The following UBE2G1 variants were observed in gnomAD, a reference collection of about 807,000 sequenced individuals.
UBE2G1 encodes the protein ubiquitin-conjugating enzyme E2 G1.
UBE2G1 carries 5 observed loss-of-function variants against 22.7 expected under a neutral mutation model. The observed-to-expected ratio is 0.22, with a 90% CI of 0.12 to 0.46. The LOEUF (loss-of-function observed/expected upper bound fraction) is 0.46. Among genes scored for constraint, UBE2G1 ranks in the 20% least tolerant of loss-of-function variants. The pLI is 0.99. For synonymous variants in UBE2G1, 74 were observed against 67.5 expected (o/e 1.10, Z -0.47); for missense variants, 88 against 203.9 (o/e 0.43, Z 3.46).
chr17:4,333,768 G>A (rs192628480), intron 1 of UBE2G1, among the ~76,000 whole-genome samples: 101 of 152,102 alleles, frequency 6.6e-4, no homozygotes, highest in African/African-American at 2.3e-3. Context: ...GCAGTGAGCC[G>A]AGATTGCACC....
chr17:4,298,063 A>C (rs565007066), intron 2 of UBE2G1, among the ~76,000 whole-genome samples: 1 of 152,366 alleles, frequency 6.6e-6, no homozygotes, highest in East Asian at 1.9e-4. Flanking sequence ...AATATCTACC[A>C]AGAAAAATAT....
chr17:4,355,862 A>G (rs1341099886), intron 1 of UBE2G1, among the ~76,000 whole-genome samples: 3 of 147,146 alleles, frequency 2.0e-5, no homozygotes, highest in East Asian at 4.4e-4. Flanking sequence ...CACCACACCC[A>G]GCTAATTTTG....
At chr17:4,292,528 G>C (rs1052738523) in intron 3 of UBE2G1, among the ~76,000 whole-genome samples, 4 of 152,110 alleles carry the variant, frequency 2.6e-5, no homozygotes, top group African/African-American at 9.7e-5. Flanking sequence ...TGCTACAACT[G>C]TGTCCACAAG....
chr17:4,331,736 G>A (rs942152194), intron 1 of UBE2G1: 2 of 152,208 alleles, frequency 1.3e-5, no homozygotes, highest in African/African-American at 4.8e-5. Flanking sequence ...CGTGAACTGA[G>A]TAAGCAGAGT....
intron 1 of UBE2G1, among the ~76,000 whole-genome samples, chr17:4,363,950 CAAAAAAAA>C (rs1195720643): frequency 1.1e-3 from 49 of 43,904 alleles, no homozygotes; most frequent in African/African-American, 4.0e-3. Flanking sequence ...GACTCCGTCT[CAAAAAAAA>C]AAAAAAAAAA....
At chr17:4,328,243 C>T (rs540464471) in intron 1 of UBE2G1, among the ~76,000 whole-genome samples, 1 of 152,178 alleles carries the variant, frequency 6.6e-6, no homozygotes, top group African/African-American at 2.4e-5. Context: ...CTAAACTAGT[C>T]TGGCTTTATT....
chr17:4,301,076 C>A (rs1969172650), intron 2 of UBE2G1, among the ~76,000 whole-genome samples: 6 of 152,142 alleles, frequency 3.9e-5, no homozygotes. Context: ...TTACAAGGAT[C>A]AAATCCTACC....
At chr17:4,351,873 C>T (rs1330215319) in intron 1 of UBE2G1, among the ~76,000 whole-genome samples, 2 of 152,136 alleles carry the variant, frequency 1.3e-5, no homozygotes, top group Non-Finnish European at 2.9e-5. Flanking sequence ...GGCAAACAGA[C>T]TCAAAATACC....
In UBE2G1 at chr17:4,332,163, C is replaced by G. The variant is rs566982640; in HGVS notation, c.47-25040G>C. Among the ~76,000 whole-genome samples the G allele has an allele frequency of 2.0e-5, 3 of 152,012 alleles. No individual in the cohort carries two copies. The East Asian group carries it at 5.8e-4, about 29-fold the overall frequency. On this transcript the variant is annotated intron_variant, in intron 1 of 5. Transcript: ENST00000396981. Reference sequence around the variant, plus strand: ...TAATGTTGATTTTTAAGTTTTTATTCTTTTTTTATTTTACATTGTGTTCAC... The same window carrying G: ...TAATGTTGATTTTTAAGTTTTTATTGTTTTTTTATTTTACATTGTGTTCAC...
chr17:4,285,375 T>C (rs899920878), intron 4 of UBE2G1, among the ~76,000 whole-genome samples: 2 of 151,906 alleles, frequency 1.3e-5, no homozygotes, highest in Admixed American at 6.6e-5. Flanking sequence ...CAATAAGAAA[T>C]AGTAAAATAT....
intron 1 of UBE2G1, among the ~76,000 whole-genome samples, chr17:4,328,489 T>C (rs1007394899): frequency 1.3e-5 from 2 of 152,182 alleles, no homozygotes; most frequent in African/African-American, 4.8e-5. Context: ...GTCTATGATT[T>C]TGATCTGAAT....
chr17:4,332,087 C>G (rs1250589867), intron 1 of UBE2G1, among the ~76,000 whole-genome samples: 1 of 152,134 alleles, frequency 6.6e-6, no homozygotes, highest in Non-Finnish European at 1.5e-5. Context: ...TCTTGAATCA[C>G]TGGTATTTGA....
chr17:4,316,938 T>TAAAAAA (rs33950725), intron 1 of UBE2G1, among the ~76,000 whole-genome samples: 3 of 134,336 alleles, frequency 2.2e-5, no homozygotes, highest in Non-Finnish European at 4.7e-5. Flanking sequence ...GTCTCTTGAA[T>TAAAAAA]AAAAAAAAAA....
chr17:4,295,144 C>G (rs1969094363), intron 3 of UBE2G1, among the ~76,000 whole-genome samples: 1 of 152,100 alleles, frequency 6.6e-6, no homozygotes, highest in African/African-American at 2.4e-5. Context: ...CTATTATAAT[C>G]AAGTAATGCA....
chr17:4,311,776 C>A (rs1220147089), intron 1 of UBE2G1, among the ~76,000 whole-genome samples: 1 of 152,108 alleles, frequency 6.6e-6, no homozygotes, highest in East Asian at 1.9e-4. Context: ...AACACCATTA[C>A]CTATAATGTC....
chr17:4,347,719 C>T (rs974878110), intron 1 of UBE2G1, among the ~76,000 whole-genome samples: 2 of 152,106 alleles, frequency 1.3e-5, no homozygotes, highest in Admixed American at 6.5e-5. Flanking sequence ...TCAAGTGATC[C>T]ACCCATCTCA....
intron 1 of UBE2G1, among the ~76,000 whole-genome samples, chr17:4,327,869 C>T: frequency 6.6e-6 from 1 of 152,186 alleles, no homozygotes; most frequent in Admixed American, 6.5e-5. Context: ...TCAGCAGCCA[C>T]ACCCGCCAAA....
chr17:4,326,020 G>A (rs1036915858), intron 1 of UBE2G1, among the ~76,000 whole-genome samples: 10 of 151,980 alleles, frequency 6.6e-5, no homozygotes, highest in East Asian at 1.9e-4. Context: ...ACTCTCAGGC[G>A]AAAAAATAAG....
chr17:4,294,433 A>ACG (rs1969082130), intron 3 of UBE2G1, among the ~76,000 whole-genome samples: 2 of 137,644 alleles, frequency 1.5e-5, no homozygotes, highest in East Asian at 2.0e-4. Context: ...AAAAAAAAAA[A>ACG]AAAAAAAGAA....
Sources: gnomAD v4.1 joint callset for allele counts (sites outside exome capture counted in the v4.1 genomes callset) on GRCh38, gnomAD v4.1.1 for gene constraint, MANE v1.5 for transcripts, NCBI Gene and HGNC (gene_info 2026-07-23, HGNC 2026-07-21) for gene names.